The following SIX5 variants were observed in gnomAD, a reference collection of about 807,000 sequenced individuals.
SIX5 encodes the protein SIX homeobox 5, also known as homeobox protein SIX5.
Under a neutral mutation model 37.1 loss-of-function variants are expected in SIX5, and 21 were observed. The observed-to-expected ratio is 0.57, with a 90% CI of 0.40 to 0.81. The LOEUF (loss-of-function observed/expected upper bound fraction) is 0.81, where lower values mean the gene tolerates loss of function less well. Ranked by LOEUF, SIX5 falls within the 40% of genes least tolerant of loss-of-function variation. The probability of loss-of-function intolerance (pLI) is 0.00; values close to 1 mark genes in which losing one functional copy is unlikely to be tolerated. For missense variants in SIX5, 1,137 were observed against 1,025.1 expected (o/e 1.11, Z -1.49); for synonymous variants, 626 against 505.9 (o/e 1.24, Z -3.19).
intron 1 of SIX5, chr19:45,767,764 C>A: frequency 1.9e-6 from 1 of 537,696 alleles, no homozygotes; most frequent in Non-Finnish European, 3.3e-6. Flanking sequence ...CCCTCTAGTG[C>A]CCCCCGCAGT....
rs1969152053 is a variant in SIX5, at chr19:45,768,784, C to T, written c.61G>A (p.Ala21Thr). 1 of 1,529,130 alleles carries T rather than the reference C, an allele frequency of 6.5e-7. No individual in the cohort carries two copies. The highest frequency in any genetic ancestry group is 8.7e-7 in the Non-Finnish European group (1 of 1,143,980). 94.7% of individuals were successfully genotyped at this position (1,529,130 alleles called of 1,614,324 possible). The change falls in exon 1 of 3, where the codon GCG becomes ACG. Residue 21 changes from alanine (A) to threonine (T), a missense_variant. This residue lies in a region of SIX5 where 331 missense variants were observed against 360.9 expected (regional missense o/e 0.92). Coordinates refer to ENST00000317578, the MANE Select transcript of SIX5 (RefSeq NM_175875.5). Reference protein sequence around the residue: ...GPAAGGEAVAAAAATEEEEEE... With the variant: ...GPAAGGEAVATAAATEEEEEE... ...TCCTCCTCTTCGGTCGCCGCCGCCG[C>T]CGCCACCGCCTCCCCCCCAGCCGCC... is the stretch of plus-strand genomic sequence containing the variant.
At chr19:45,767,874 C>T (rs1344605894) in intron 1 of SIX5, 168 bp downstream of exon 1, 1 of 693,134 alleles carries the variant, frequency 1.4e-6, no homozygotes, top group South Asian at 1.9e-5. Flanking sequence ...GTGCCTGTCC[C>T]GTCCACACTT....
At position 45,768,728 on chromosome 19, in the gene SIX5, CAA is replaced by C. The variant is rs1568566289; in HGVS notation, c.115_116del (p.Leu39AlafsTer6). On this transcript the variant is annotated frameshift_variant, in exon 1 of 3. Coordinates refer to ENST00000317578, the MANE Select transcript of SIX5 (RefSeq NM_175875.5). LOFTEE classifies it high-confidence loss of function. The stretch of plus-strand genomic sequence containing the variant: ...CCGCCGCCTCACCCTCGGCCGCCTG[CAA>C]AGTCTGCAAGAGCTGGCGCGCTTCC... ...EEEARQLLQT[L>X]QAAEGEAAAA... 3 of 1,460,496 alleles carry C rather than the reference CAA, an allele frequency of 2.1e-6. No individual in the cohort carries two copies. Among genetic ancestry groups the C allele is most frequent in the Non-Finnish European group, 2.7e-6 (3 of 1,110,834 alleles). The allele number at this position is 1,460,496 out of a possible 1,614,324, so 90.5% of individuals were successfully genotyped here.
rs1332954991 is a variant in SIX5, at chr19:45,766,014, G to T, written c.1707C>A (p.Thr569=). The T allele has an allele frequency of 1.2e-6, 2 of 1,609,404 alleles. No homozygotes were observed. The highest frequency in any genetic ancestry group is 2.7e-5 in the African/African-American group (2 of 74,860). Residue 569 remains threonine, a synonymous_variant, in exon 3 of 3, where the codon ACC becomes ACA. Coordinates refer to ENST00000317578, the MANE Select transcript of SIX5 (RefSeq NM_175875.5). ...GCAGGACCTGGGAGACGAGCATGCT[G>T]GTGGGGAAGGTGGCGGTGAGGATGA... The part of the protein sequence containing the change: ...GKIILTATFP[T]SMLVSQVLPP...
At chr19:45,767,390 C>A (rs1969100519) in intron 1 of SIX5, among the ~76,000 whole-genome samples, 1 of 152,182 alleles carries the variant, frequency 6.6e-6, no homozygotes, top group Non-Finnish European at 1.5e-5. Flanking sequence ...ACCTCGGCCT[C>A]GGGTCCCCAG....
chr19:45,768,523 T>C lies in SIX5; in HGVS notation c.322A>G (p.Ser108Gly). The C allele has an allele frequency of 6.9e-7, 1 of 1,446,134 alleles. No homozygotes were observed. The highest frequency in any genetic ancestry group is 9.0e-7 in the Non-Finnish European group (1 of 1,109,068). The allele number at this position is 1,446,134 out of a possible 1,614,324, so 89.6% of individuals were successfully genotyped here. Residue 108 changes from serine to glycine, a missense_variant, in exon 1 of 3, where the codon AGC (serine) becomes GGC (glycine). Physicochemically the swap from Ser to Gly is moderately conservative, Grantham distance 56. Transcript: ENST00000317578. The stretch of plus-strand genomic sequence containing the variant: ...GGGGGCAGTGCGCCCAGGAAGCGGC[T>C]CAAGCGGCCGGCGTGGCCCGCCTGG... ...LLQAGHAGRL[S>G]RFLGALPPAE... is the part of the protein sequence containing the mutation.
Position 45,765,235 on chromosome 19 carries a change from G to T in SIX5, c.*266C>A. ...GGAGGGGGCAGGGCCCCTGAGTCAG[G>T]ACCCTGAGTCCCCCACGTATATGGC... On this transcript the variant is annotated 3_prime_UTR_variant, in exon 3 of 3. Coordinates refer to ENST00000317578, the MANE Select transcript of SIX5 (RefSeq NM_175875.5). 1 of 570,144 alleles carries T rather than the reference G, an allele frequency of 1.8e-6. No homozygotes were observed. The highest frequency in any genetic ancestry group is 3.2e-6 in the Non-Finnish European group (1 of 317,036). 35.3% of individuals were successfully genotyped at this position (570,144 alleles called of 1,614,324 possible). A position where few individuals can be genotyped will look rare whatever the true frequency, so the allele number is the denominator to read the frequency against.
In SIX5 at chr19:45,768,070, C is replaced by T; in HGVS notation, c.775G>A (p.Gly259Arg). ...FKNRRQRDRTGAGGGAPCKSE... is the reference protein window; with the variant it reads ...FKNRRQRDRTRAGGGAPCKSE... The stretch of plus-strand genomic sequence containing the variant: ...TTGCAGGGCGCGCCGCCTCCGGCCC[C>T]GGTCCGGTCGCGCTGTCGCCGGTTC... Residue 259 changes from glycine (G) to arginine (R), a missense_variant, in exon 1 of 3, where the codon GGG becomes AGG. Gly to Arg is a moderately radical substitution (Grantham distance 125). Transcript: ENST00000317578. 1 of 1,598,980 alleles carries T rather than the reference C, an allele frequency of 6.3e-7. No homozygotes were observed. The highest frequency in any genetic ancestry group is 1.1e-5 in the South Asian group (1 of 90,850).
Position 45,765,082 on chromosome 19 carries a change from G to A in SIX5, c.*419C>T, listed in dbSNP as rs1196611476. The A allele has an allele frequency of 8.4e-6, 2 of 236,780 alleles. No individual in the cohort carries two copies. The highest frequency in any genetic ancestry group is 9.7e-5 in the East Asian group (1 of 10,294). 14.7% of individuals were successfully genotyped at this position (236,780 alleles called of 1,614,324 possible). On this transcript the variant is annotated 3_prime_UTR_variant, in exon 3 of 3. Transcript: ENST00000317578. ...GCCTGTCCTCCACCTTCGGATTCCA[G>A]GCAGTTGTGACAACACCAGCTATCG...
Position 45,768,646 on chromosome 19 carries a change from G to T in SIX5, c.199C>A (p.Pro67Thr). ...AAAGAEGPGS[P>T]GVPGSPPEAA... The stretch of plus-strand genomic sequence containing the variant: ...TCGGGGGGCGACCCGGGGACGCCCG[G>T]GGATCCCGGGCCCTCAGCTCCCGCA... The change falls in exon 1 of 3, where the codon CCG (proline) becomes ACG (threonine). Residue 67 changes from proline to threonine, a missense_variant. Physicochemically the swap from Pro to Thr is conservative, Grantham distance 38 (BLOSUM62 -1). Around this residue, in one of 3 missense-constraint regions of SIX5, gnomAD observed 331 missense variants for 360.9 expected, o/e 0.92. Coordinates refer to ENST00000317578, the MANE Select transcript of SIX5 (RefSeq NM_175875.5). 1 of 1,267,592 alleles carries T rather than the reference G, an allele frequency of 7.9e-7. No individual in the cohort carries two copies. The highest frequency in any genetic ancestry group is 9.8e-7 in the Non-Finnish European group (1 of 1,015,604). 78.5% of individuals were successfully genotyped at this position (1,267,592 alleles called of 1,614,324 possible). A position where few individuals can be genotyped will look rare whatever the true frequency, so the allele number is the denominator to read the frequency against.
chr19:45,768,822 G>A lies in SIX5; in HGVS notation c.23C>T (p.Pro8Leu), dbSNP rs1433199395. Residue 8 changes from proline (P) to leucine (L), a missense_variant, in exon 1 of 3, where the codon CCG (proline) becomes CTG (leucine). This residue lies in a region of SIX5 where 331 missense variants were observed against 360.9 expected (regional missense o/e 0.92). Coordinates refer to ENST00000317578, the MANE Select transcript of SIX5 (RefSeq NM_175875.5). ...CCCCCCAGCCGCCGGCCCCGCGCTC[G>A]GCTCCGCAGGCAAGGTAGCCATGTT... The part of the protein sequence containing the change: MATLPAE[P>L]SAGPAAGGEA... The A allele has an allele frequency of 2.6e-6, 4 of 1,527,766 alleles. No homozygotes were observed. The highest frequency in any genetic ancestry group is 2.5e-5 in the East Asian group (1 of 40,294). 94.6% of individuals were successfully genotyped at this position (1,527,766 alleles called of 1,614,324 possible).
At position 45,765,984 on chromosome 19, in the gene SIX5, T is replaced by C; in HGVS notation, c.1737A>G (p.Pro579=). 6.3e-7 allele frequency: 1 copy of C among 1,594,060 alleles called. No homozygotes were observed. The highest frequency in any genetic ancestry group is 8.5e-7 in the Non-Finnish European group (1 of 1,171,414). Residue 579 remains proline, a synonymous_variant, in exon 3 of 3, where the codon CCA becomes CCG. Transcript: ENST00000317578. ...TCAGTGGCAGGGCCAGGCCGGGGGC[T>C]GGCGGCAGGACCTGGGAGACGAGCA... ...TSMLVSQVLP[P]APGLALPLKP... is the part of the protein sequence containing the mutation.
At position 45,768,888 on chromosome 19, in the gene SIX5, T is replaced by G. The variant is rs1969158687; in HGVS notation, c.-44A>C. ...GTTCCTCCCTCCCTCTCTTCCTCCC[T>G]CGGGCTTTCCCCAGCCTCCTCCCCC... On this transcript the variant is annotated 5_prime_UTR_variant, in exon 1 of 3. Transcript: ENST00000317578. The G allele has an allele frequency of 2.7e-6, 4 of 1,497,544 alleles. No homozygotes were observed. The South Asian group carries it at 4.9e-5, about 18-fold the overall frequency. The allele number at this position is 1,497,544 out of a possible 1,614,324, so 92.8% of individuals were successfully genotyped here.
Position 45,767,125 on chromosome 19 carries a change from G to A in SIX5, c.834C>T (p.Asp278=), listed in dbSNP as rs376711015. Residue 278 remains aspartate (D), a synonymous_variant, in exon 2 of 3, where the codon GAC becomes GAT. Coordinates refer to ENST00000317578, the MANE Select transcript of SIX5 (RefSeq NM_175875.5). ...GGTCCTCAGGACTTCGGCTGGACTC[G>A]TCCTCAGTCGTGGGATTCCCATCAG... is the stretch of plus-strand genomic sequence containing the variant. ...SESDGNPTTE[D]ESSRSPEDLE... The A allele has an allele frequency of 3.7e-6, 6 of 1,612,174 alleles. No individual in the cohort carries two copies. In the African/African-American group the frequency reaches 6.7e-5, roughly 18 times the overall value.
Position 45,765,457 on chromosome 19 carries a change from G to A in SIX5, c.*44C>T, listed in dbSNP as rs7257701. ...TCCCCCCTCCCATTCCTGTCCCTGC[G>A]TCTTCAGCACCAATGTCGGGAGAGG... On this transcript the variant is annotated 3_prime_UTR_variant, in exon 3 of 3. Coordinates refer to ENST00000317578, the MANE Select transcript of SIX5 (RefSeq NM_175875.5). The A allele has an allele frequency of 1.5e-3, 2,487 of 1,612,306 alleles. 29 individuals are homozygous for A. The African/African-American group carries it at 0.028, about 18-fold the overall frequency.
chr19:45,769,027 C>T lies in SIX5; in HGVS notation c.-183G>A. 6 of 581,720 alleles carry T rather than the reference C, an allele frequency of 1.0e-5. No homozygotes were observed. Among genetic ancestry groups the T allele is most frequent in the Non-Finnish European group, 9.1e-6 (3 of 329,586 alleles). 36.0% of individuals were successfully genotyped at this position (581,720 alleles called of 1,614,324 possible). A position where few individuals can be genotyped will look rare whatever the true frequency, so the allele number is the denominator to read the frequency against. The stretch of plus-strand genomic sequence containing the variant: ...AGCTCTCCACTCGGGTCTCTGTCCC[C>T]TTGTGTGTGTCCGTCCCCCTCCCGT... On this transcript the variant is annotated 5_prime_UTR_variant, in exon 1 of 3. Coordinates refer to ENST00000317578, the MANE Select transcript of SIX5 (RefSeq NM_175875.5).
At position 45,768,415 on chromosome 19, in the gene SIX5, A is replaced by G. The variant is rs1380920599; in HGVS notation, c.430T>C (p.Tyr144His). Residue 144 changes from tyrosine to histidine, a missense_variant, in exon 1 of 3, where the codon TAC becomes CAC. Transcript: ENST00000317578. ...AAGGGGCGGCTCTCGAGTAGCCGGTAGAGCTCGGCGTACTCGCCCCGCTGG... is the reference window on the plus strand; with the variant it reads ...AAGGGGCGGCTCTCGAGTAGCCGGTGGAGCTCGGCGTACTCGCCCCGCTGG... ...AFQRGEYAEL[Y>H]RLLESRPFPA... is the part of the protein sequence containing the mutation. The G allele has an allele frequency of 4.5e-6, 7 of 1,552,464 alleles. No individual in the cohort carries two copies. The highest frequency in any genetic ancestry group is 4.1e-5 in the African/African-American group (3 of 73,650).
rs1600401957 is a variant in SIX5 at position 45,768,906 on chromosome 19, C to T, written c.-62G>A. 2.1e-6 allele frequency: 3 copies of T among 1,421,876 alleles called. No homozygotes were observed. Among genetic ancestry groups the T allele is most frequent in the South Asian group, 1.3e-5 (1 of 78,974 alleles). The allele number at this position is 1,421,876 out of a possible 1,614,324, so 88.1% of individuals were successfully genotyped here. A position where few individuals can be genotyped will look rare whatever the true frequency, so the allele number is the denominator to read the frequency against. ...TCCTCCCTCGGGCTTTCCCCAGCCTCCTCCCCCACCTGTCCCCCCTTTTCG... is the reference window on the plus strand; with the variant it reads ...TCCTCCCTCGGGCTTTCCCCAGCCTTCTCCCCCACCTGTCCCCCCTTTTCG... On this transcript the variant is annotated 5_prime_UTR_variant, in exon 1 of 3. Transcript: ENST00000317578.
chr19:45,765,556 G>GC lies in SIX5; in HGVS notation c.2164dup (p.Ala722GlyfsTer240). 1 of 1,613,450 alleles carries GC rather than the reference G, an allele frequency of 6.2e-7. No individual in the cohort carries two copies. The highest frequency in any genetic ancestry group is 8.5e-7 in the Non-Finnish European group (1 of 1,180,020). On this transcript the variant is annotated frameshift_variant, in exon 3 of 3. Coordinates refer to ENST00000317578, the MANE Select transcript of SIX5 (RefSeq NM_175875.5). LOFTEE classifies it high-confidence loss of function. ...CGACTGGAGCTGGGTCAGAACCTTG[G>GC]CCTCAGCTTCCAACCCCTCGTCAAC...
Sources: allele counts gnomAD v4.1 joint callset (sites outside exome capture counted in the v4.1 genomes callset), GRCh38; gene constraint gnomAD v4.1.1; regional missense constraint gnomAD v4.1.1; transcripts MANE v1.5; gene names NCBI Gene and HGNC (gene_info 2026-07-23, HGNC 2026-07-21).